Variants in TRAF5 observed in about 807,000 individuals in gnomAD.
TRAF5 encodes the protein TNF receptor-associated factor 5.
In TRAF5, 48 loss-of-function variants were observed where a neutral mutation model predicts 64.5. The ratio of observed to expected loss-of-function variants is 0.74; its 90% confidence interval spans 0.59 to 0.95. TRAF5 has a LOEUF of 0.95. Among genes scored for constraint, TRAF5 ranks in the 40% least tolerant of loss-of-function variants. The probability of loss-of-function intolerance (pLI) is 0.00; values close to 1 mark genes in which losing one functional copy is unlikely to be tolerated. For synonymous variants in TRAF5, 206 were observed against 240.5 expected, an observed-to-expected ratio of 0.86 and a Z score of 1.33; for missense variants, 545 against 662.8, an observed-to-expected ratio of 0.82 and a Z score of 1.95.
intron 1 of TRAF5, among the ~76,000 whole-genome samples, chr1:211,333,292 G>T (rs1455691541): frequency 6.6e-6 from 1 of 151,930 alleles, no homozygotes; most frequent in Non-Finnish European, 1.5e-5. Flanking sequence ...GGGTTCAAGC[G>T]ATTCTCCTGC....
intron 7 of TRAF5, among the ~76,000 whole-genome samples, chr1:211,362,438 G>T (rs1031536391): frequency 6.6e-6 from 1 of 152,152 alleles, no homozygotes; most frequent in Admixed American, 6.5e-5. Context: ...CCAGCATTTT[G>T]GGAGGCTGAG....
At chr1:211,355,154 CAG>C (rs912541695) in intron 3 of TRAF5, among the ~76,000 whole-genome samples, 32 of 150,350 alleles carry the variant, frequency 2.1e-4, no homozygotes, top group African/African-American at 6.4e-4. Flanking sequence ...GCCTGGGTGA[CAG>C]AGCAAGACTC....
rs756621423 is a variant in TRAF5 at position 211,372,403 on chromosome 1, C to G, written c.1375C>G (p.Leu459Val). 2.5e-6 allele frequency: 4 copies of G among 1,614,132 alleles called. No individual in the cohort carries two copies. Among genetic ancestry groups the G allele is most frequent in the Non-Finnish European group, 2.5e-6 (3 of 1,180,024 alleles). The part of the protein sequence containing the change: ...NGDGSGRGSH[L>V]SLYFVVMRGE... ...GGATGGGTCAGGGAGGGGGTCACAC[C>G]TGTCCCTATACTTTGTGGTCATGCG... The change falls in exon 11 of 11, where the codon CTG (leucine) becomes GTG (valine). Residue 459 changes from leucine (L) to valine (V), a missense_variant. Transcript: ENST00000261464.
intron 10 of TRAF5, 123 bp downstream of exon 10, chr1:211,371,593 T>A: frequency 9.7e-7 from 1 of 1,031,522 alleles, no homozygotes; most frequent in Non-Finnish European, 1.4e-6. Context: ...CTGAATCTGC[T>A]ATTTGTGAAA....
In TRAF5 at chr1:211,356,772, C is replaced by T. The variant is rs1702983000; in HGVS notation, c.378+304C>T. On this transcript the variant is annotated intron_variant, in intron 4 of 10. Coordinates refer to ENST00000261464, the MANE Select transcript of TRAF5 (RefSeq NM_001033910.3). ...CGTGGGACATGCTGGACAAAACAAA[C>T]ACTCAAGAATATGCCATTTTGGGGG... The T allele has an allele frequency of 6.5e-5, 15 of 231,322 alleles. No homozygotes were observed. In the Admixed American group the frequency reaches 8.0e-4, roughly 12 times the overall value. 14.3% of individuals were successfully genotyped at this position (231,322 alleles called of 1,614,324 possible).
chr1:211,332,626 A>G (rs1410695906), intron 1 of TRAF5, among the ~76,000 whole-genome samples: 1 of 152,246 alleles, frequency 6.6e-6, no homozygotes. Context: ...ATAATTTAAT[A>G]TAAAGCAAAG....
chr1:211,340,864 G>T (rs1247994552), intron 1 of TRAF5, among the ~76,000 whole-genome samples: 1 of 152,216 alleles, frequency 6.6e-6, no homozygotes, highest in Non-Finnish European at 1.5e-5. Context: ...CCACAATCGC[G>T]ATGGCCCTCT....
chr1:211,346,728 A>G (rs1182712329), intron 1 of TRAF5, among the ~76,000 whole-genome samples: 1 of 152,194 alleles, frequency 6.6e-6, no homozygotes, highest in African/African-American at 2.4e-5. Context: ...TTATAACTGA[A>G]GGCTAAGCTC....
rs913828845 is a variant in TRAF5, at chr1:211,372,972, C to T, written c.*270C>T. 12 of 286,982 alleles carry T rather than the reference C, an allele frequency of 4.2e-5. No individual in the cohort carries two copies. The highest frequency in any genetic ancestry group is 9.5e-5 in the Admixed American group (2 of 21,064). The allele number at this position is 286,982 out of a possible 1,614,324, so 17.8% of individuals were successfully genotyped here. A position where few individuals can be genotyped will look rare whatever the true frequency, so the allele number is the denominator to read the frequency against. ...GGTAAGTTTCTTGAAGTTTTTGGGGCGTTTCTCTTTTACTGGTGCTTAGCG... is the reference window on the plus strand; with the variant it reads ...GGTAAGTTTCTTGAAGTTTTTGGGGTGTTTCTCTTTTACTGGTGCTTAGCG... On this transcript the variant is annotated 3_prime_UTR_variant, in exon 11 of 11. Coordinates refer to ENST00000261464, the MANE Select transcript of TRAF5 (RefSeq NM_001033910.3).
chr1:211,340,852 C>G (rs1053854854), intron 1 of TRAF5, among the ~76,000 whole-genome samples: 11 of 152,234 alleles, frequency 7.2e-5, no homozygotes, highest in Non-Finnish European at 1.6e-4. Flanking sequence ...TCTTCGCAGC[C>G]TCCACAATCG....
intron 1 of TRAF5, among the ~76,000 whole-genome samples, chr1:211,349,838 T>C (rs1007671417): frequency 2.0e-5 from 3 of 152,134 alleles, no homozygotes; most frequent in Admixed American, 6.5e-5. Context: ...CAAATTTAGA[T>C]ACTGTGTGAC....
chr1:211,355,005 T>G (rs990711292), intron 3 of TRAF5, among the ~76,000 whole-genome samples: 1 of 152,048 alleles, frequency 6.6e-6, no homozygotes, highest in African/African-American at 2.4e-5. Flanking sequence ...AAACCCTGTC[T>G]CTACTAAAAA....
intron 7 of TRAF5, among the ~76,000 whole-genome samples, chr1:211,362,208 A>T (rs1703209421): frequency 6.6e-6 from 1 of 152,220 alleles, no homozygotes; most frequent in Admixed American, 6.5e-5. Context: ...AAATAAAAAT[A>T]AAATTTGATT....
chr1:211,347,716 A>T (rs1391247661), intron 1 of TRAF5, among the ~76,000 whole-genome samples: 8 of 152,214 alleles, frequency 5.3e-5, no homozygotes, highest in Non-Finnish European at 1.2e-4. Context: ...CTGACAAGAC[A>T]TGGGCCCACA....
intron 1 of TRAF5, among the ~76,000 whole-genome samples, chr1:211,333,442 C>G (rs116707297): frequency 1.2e-4 from 19 of 152,002 alleles, no homozygotes; most frequent in East Asian, 1.9e-4. Context: ...ACTCCCCCCC[C>G]ACTCCCCACT....
At chr1:211,370,450 A>G (rs900054799) in intron 9 of TRAF5, among the ~76,000 whole-genome samples, 10 of 152,070 alleles carry the variant, frequency 6.6e-5, no homozygotes, top group Non-Finnish European at 1.2e-4. Flanking sequence ...TGTGAAATAT[A>G]TATAAAGTAT....
chr1:211,366,117 A>G (rs1264824110), intron 8 of TRAF5, among the ~76,000 whole-genome samples: 1 of 152,214 alleles, frequency 6.6e-6, no homozygotes, highest in Non-Finnish European at 1.5e-5. Context: ...AAAGTTAATT[A>G]TTTTGTTAGA....
chr1:211,374,211 A>G lies in TRAF5; in HGVS notation c.*1509A>G, dbSNP rs1184485405. On this transcript the variant is annotated 3_prime_UTR_variant, in exon 11 of 11. Transcript: ENST00000261464. ...CTGAGATGAGTCCTTATGACTCTTG[A>G]TAAGCCTGAGTTTAACAACAACAAA... 2 of 152,454 alleles carry G rather than the reference A, an allele frequency of 1.3e-5. No homozygotes were observed. The highest frequency in any genetic ancestry group is 2.1e-4 in the South Asian group (1 of 4,834). The allele number at this position is 152,454 out of a possible 1,614,324, so 9.4% of individuals were successfully genotyped here.
At chr1:211,350,279 A>T (rs974917592) in intron 1 of TRAF5, among the ~76,000 whole-genome samples, 2 of 142,610 alleles carry the variant, frequency 1.4e-5, no homozygotes, top group African/African-American at 5.3e-5. Flanking sequence ...CAGTGGCATA[A>T]TCATGACTCG....
Sources: gnomAD v4.1 joint callset for allele counts (sites outside exome capture counted in the v4.1 genomes callset) on GRCh38, gnomAD v4.1.1 for gene constraint, MANE v1.5 for transcripts, NCBI Gene and HGNC (gene_info 2026-07-23, HGNC 2026-07-21) for gene names.